The following NPHP1 variants were observed in gnomAD, a reference collection of about 807,000 sequenced individuals.
NPHP1 encodes nephrocystin 1.
NPHP1 carries 70 observed loss-of-function variants against 90.4 expected under a neutral mutation model. The observed-to-expected ratio is 0.77, with a 90% CI of 0.64 to 0.95. The LOEUF (loss-of-function observed/expected upper bound fraction) is 0.95, where lower values mean the gene tolerates loss of function less well. NPHP1 is among the 40% of genes least tolerant of loss of function. The pLI is 0.00. For missense variants in NPHP1, 764 were observed against 795.9 expected (o/e 0.96, Z 0.48); for synonymous variants, 256 against 271.7 (o/e 0.94, Z 0.57).
chr2:110,200,169 C>T (rs1005275190), intron 2 of NPHP1, among the ~76,000 whole-genome samples: 1 of 152,062 alleles, frequency 6.6e-6, no homozygotes, highest in Non-Finnish European at 1.5e-5. Context: ...GCAGGAGAAT[C>T]GCTTGAACCT....
At chr2:110,202,011 T>A (rs886567817) in intron 1 of NPHP1, among the ~76,000 whole-genome samples, 5 of 152,162 alleles carry the variant, frequency 3.3e-5, no homozygotes, top group African/African-American at 7.2e-5. Flanking sequence ...TGCCTGTTCT[T>A]GAAATTTTAT....
At chr2:110,143,413 G>T in intron 16 of NPHP1, 129 bp downstream of exon 16, 1 of 715,202 alleles carries the variant, frequency 1.4e-6, no homozygotes, top group Non-Finnish European at 2.5e-6. Flanking sequence ...GACCTTTGGG[G>T]GAAGAATTAA....
At position 110,169,908 on chromosome 2, in the gene NPHP1, C is replaced by T. The variant is rs1682997916; in HGVS notation, c.420G>A (p.Glu140=). 1.9e-6 allele frequency: 3 copies of T among 1,609,236 alleles called. No individual in the cohort carries two copies. Among genetic ancestry groups the T allele is most frequent in the Non-Finnish European group, 2.6e-6 (3 of 1,175,774 alleles). ...GAGATTCATTTTCCTCTTTCTCTTCCTCTTCCTCCTCTGCATCTTCTTCCT... is the reference window on the plus strand; with the variant it reads ...GAGATTCATTTTCCTCTTTCTCTTCTTCTTCCTCCTCTGCATCTTCTTCCT... The part of the protein sequence containing the change: ...GGEEEDAEEE[E]EEKEENESHK... Residue 140 remains glutamate, a synonymous_variant, in exon 5 of 20, where the codon GAG becomes GAA. Coordinates refer to ENST00000445609, the MANE Select transcript of NPHP1 (RefSeq NM_001128178.3).
intron 16 of NPHP1, among the ~76,000 whole-genome samples, chr2:110,139,099 A>T (rs1680438383): frequency 6.6e-6 from 1 of 152,200 alleles, no homozygotes; most frequent in South Asian, 2.1e-4. Flanking sequence ...GCATTCAAGC[A>T]ACTAACATTA....
chr2:110,154,453 G>C (rs1681737161), intron 11 of NPHP1, among the ~76,000 whole-genome samples: 1 of 152,164 alleles, frequency 6.6e-6, no homozygotes, highest in African/African-American at 2.4e-5. Flanking sequence ...CTGGGTAACA[G>C]GCAGAGGTTG....
intron 1 of NPHP1, chr2:110,202,335 T>C (rs1685624382): frequency 2.6e-6 from 1 of 382,446 alleles, no homozygotes; most frequent in South Asian, 1.9e-5. Context: ...TCTTGCAATT[T>C]GGCATCCATC....
At chr2:110,157,486 C>A (rs894979588) in intron 11 of NPHP1, among the ~76,000 whole-genome samples, 4 of 152,078 alleles carry the variant, frequency 2.6e-5, no homozygotes, top group Non-Finnish European at 4.4e-5. Context: ...TTTCTTCATG[C>A]TGGGGGTTAG....
chr2:110,134,596 A>C (rs1295437897), intron 16 of NPHP1, among the ~76,000 whole-genome samples: 1 of 151,950 alleles, frequency 6.6e-6, no homozygotes, highest in Non-Finnish European at 1.5e-5. Flanking sequence ...ACAAAATACT[A>C]GCAAAGTGAA....
intron 6 of NPHP1, among the ~76,000 whole-genome samples, chr2:110,166,024 G>C (rs905044812): frequency 6.6e-6 from 1 of 152,154 alleles, no homozygotes; most frequent in East Asian, 1.9e-4. Context: ...TAGGAGTACA[G>C]TAAATGCACA....
At chr2:110,164,006 G>C (rs895426000) in intron 8 of NPHP1, 3 of 157,676 alleles carry the variant, frequency 1.9e-5, no homozygotes, top group Admixed American at 1.9e-4. Flanking sequence ...CAGAATTATG[G>C]ATCATTTCTC....
rs747172399 is a variant in NPHP1 at position 110,161,667 on chromosome 2, T to C, written c.890A>G (p.Gln297Arg). 1 of 1,613,244 alleles carries C rather than the reference T, an allele frequency of 6.2e-7. No individual in the cohort carries two copies. The highest frequency in any genetic ancestry group is 8.5e-7 in the Non-Finnish European group (1 of 1,179,296). The part of the protein sequence containing the change: ...GNQFRANYFL[Q>R]PELMPSQLAF... ...CAGTTGTGAAGGCATGAGCTCTGGTTGTAAGAAGTAATTTGCTCGAAATTG... is the reference window on the plus strand; with the variant it reads ...CAGTTGTGAAGGCATGAGCTCTGGTCGTAAGAAGTAATTTGCTCGAAATTG... Residue 297 changes from glutamine to arginine, a missense_variant, in exon 10 of 20, where the codon CAA becomes CGA. Gln to Arg is a conservative substitution (Grantham distance 43). Coordinates refer to ENST00000445609, the MANE Select transcript of NPHP1 (RefSeq NM_001128178.3).
intron 18 of NPHP1, 69 bp downstream of exon 18, chr2:110,129,115 AAC>A (rs1365230383): frequency 1.1e-6 from 1 of 941,892 alleles, no homozygotes; most frequent in East Asian, 3.0e-5. Context: ...GCCTAGACAG[AAC>A]TCATTAACAC....
intron 6 of NPHP1, 47 bp downstream of exon 6, chr2:110,168,405 G>GAA (rs11453404): frequency 8.8e-4 from 826 of 939,712 alleles, no homozygotes; most frequent in African/African-American, 3.0e-3. Context: ...TATTAAAAGC[G>GAA]AAAAAAAAAA....
chr2:110,194,959 C>A (rs190066536), intron 2 of NPHP1, among the ~76,000 whole-genome samples: 4 of 152,066 alleles, frequency 2.6e-5, no homozygotes, highest in East Asian at 1.9e-4. Context: ...ATTTAACAAC[C>A]CTTTATGCTA....
intron 14 of NPHP1, 88 bp from the exon 15 acceptor site, chr2:110,144,657 ATATACT>A (rs1680886534): frequency 1.3e-6 from 1 of 779,320 alleles, no homozygotes; most frequent in African/African-American, 1.8e-5. Flanking sequence ...TTTAGCACTA[ATATACT>A]CAGACATTTC....
chr2:110,136,656 G>A (rs1223647475), intron 16 of NPHP1, among the ~76,000 whole-genome samples: 1 of 152,032 alleles, frequency 6.6e-6, no homozygotes, highest in African/African-American at 2.4e-5. Flanking sequence ...ACAAACCACT[G>A]CTCAATGAAA....
chr2:110,133,936 T>C (rs1260337720), intron 16 of NPHP1, among the ~76,000 whole-genome samples: 2 of 151,732 alleles, frequency 1.3e-5, no homozygotes. Context: ...AAGGAAGAGC[T>C]CAAGTCAACA....
At chr2:110,151,935 T>G (rs1013517519) in intron 11 of NPHP1, among the ~76,000 whole-genome samples, 3 of 152,156 alleles carry the variant, frequency 2.0e-5, no homozygotes, top group Non-Finnish European at 4.4e-5. Context: ...GAATCAAGAG[T>G]AACTTCTTCT....
intron 13 of NPHP1, among the ~76,000 whole-genome samples, chr2:110,147,533 C>G (rs1301201528): frequency 6.6e-6 from 1 of 152,098 alleles, no homozygotes; most frequent in Non-Finnish European, 1.5e-5. Flanking sequence ...ATAAAAGTCA[C>G]TACTCTGCTA....
Sources: gnomAD v4.1 joint callset for allele counts (sites outside exome capture counted in the v4.1 genomes callset) on GRCh38, gnomAD v4.1.1 for gene constraint, MANE v1.5 for transcripts, NCBI Gene and HGNC (gene_info 2026-07-23, HGNC 2026-07-21) for gene names.